The following F13A1 variants were observed in gnomAD, a reference collection of about 807,000 sequenced individuals.
The protein encoded by F13A1 is FSF, A subunit.
A neutral mutation model predicts 80.1 loss-of-function variants in F13A1; 47 were observed. The observed-to-expected ratio is 0.59, with a 90% CI of 0.46 to 0.75. The LOEUF (loss-of-function observed/expected upper bound fraction) is 0.75, where lower values mean the gene tolerates loss of function less well. F13A1 is among the 30% of genes least tolerant of loss of function. F13A1 has a pLI of 0.00. For missense variants in F13A1, 817 were observed against 930.4 expected (o/e 0.88, Z 1.59); for synonymous variants, 349 against 344.9 (o/e 1.01, Z -0.13).
chr6:6,290,976 C>G (rs1758217036), intron 3 of F13A1, among the ~76,000 whole-genome samples: 1 of 152,154 alleles, frequency 6.6e-6, no homozygotes, highest in Non-Finnish European at 1.5e-5. Flanking sequence ...AATCACACAT[C>G]AGCATGATGA....
chr6:6,297,514 G>T (rs1420456508), intron 3 of F13A1, among the ~76,000 whole-genome samples: 13 of 151,030 alleles, frequency 8.6e-5, no homozygotes, highest in African/African-American at 2.7e-4. Context: ...ATTTCTTCTA[G>T]ATTTTCTAGT....
chr6:6,270,944 C>T (rs1757911511), intron 3 of F13A1, among the ~76,000 whole-genome samples: 2 of 152,158 alleles, frequency 1.3e-5, no homozygotes, highest in Admixed American at 1.3e-4. Flanking sequence ...TGGGCCAACT[C>T]ATTTTTTTGT....
At chr6:6,233,381 C>T (rs1049432510) in intron 6 of F13A1, among the ~76,000 whole-genome samples, 19 of 152,120 alleles carry the variant, frequency 1.2e-4, no homozygotes, top group African/African-American at 4.6e-4. Flanking sequence ...AAATACAACC[C>T]TCCTAGCTTA....
intron 4 of F13A1, among the ~76,000 whole-genome samples, chr6:6,256,994 A>G (rs1351258165): frequency 6.6e-6 from 1 of 152,204 alleles, no homozygotes; most frequent in African/African-American, 2.4e-5. Context: ...CTTTAGAAGG[A>G]ATAATGGTTT....
Position 6,162,712 on chromosome 6 carries a change from C to A in F13A1, c.1908+4746G>T, listed in dbSNP as rs1271319488. ...ACTGTGACTCGGGCATCCAATGACTCATAAAAAACTCACAAGGACCCCAGG... is the reference window on the plus strand; with the variant it reads ...ACTGTGACTCGGGCATCCAATGACTAATAAAAAACTCACAAGGACCCCAGG... On this transcript the variant is annotated intron_variant, in intron 13 of 14. Transcript: ENST00000264870. The surrounding 1 kb of genome is among the most constrained non-coding windows in gnomAD (Gnocchi z 4.2). Among the ~76,000 whole-genome samples the A allele has an allele frequency of 6.6e-6, 1 of 152,160 alleles. No homozygotes were observed. The highest frequency in any genetic ancestry group is 2.4e-5 in the African/African-American group (1 of 41,436).
At chr6:6,304,078 T>A (rs1313421035) in intron 3 of F13A1, among the ~76,000 whole-genome samples, 1 of 152,234 alleles carries the variant, frequency 6.6e-6, no homozygotes, top group East Asian at 1.9e-4. Context: ...CTAAAACCTT[T>A]AAAGTACTTC....
intron 8 of F13A1, among the ~76,000 whole-genome samples, chr6:6,220,680 T>G (rs1264692123): frequency 6.6e-6 from 1 of 152,200 alleles, no homozygotes; most frequent in Non-Finnish European, 1.5e-5. Context: ...GTGACTATTT[T>G]GGTCTGTTTT....
At chr6:6,305,628 G>A (rs112831795) in intron 2 of F13A1, 89 bp from the exon 3 acceptor site, 3 of 1,387,840 alleles carry the variant, frequency 2.2e-6, no homozygotes, top group East Asian at 2.4e-5. Flanking sequence ...TTTCCCTGAA[G>A]AAGGCAGGTA....
At chr6:6,219,319 C>CCACGCT (rs1757154436) in intron 8 of F13A1, among the ~76,000 whole-genome samples, 1 of 151,624 alleles carries the variant, frequency 6.6e-6, no homozygotes, top group Admixed American at 6.6e-5. Flanking sequence ...TGTTTAGCCT[C>CCACGCT]CACCCTCACC....
chr6:6,272,791 T>G (rs1346859165), intron 3 of F13A1, among the ~76,000 whole-genome samples: 1 of 152,164 alleles, frequency 6.6e-6, no homozygotes, highest in African/African-American at 2.4e-5. Context: ...ATACCCATAA[T>G]GATATATACT....
At chr6:6,289,670 T>G (rs759972945) in intron 3 of F13A1, among the ~76,000 whole-genome samples, 1 of 151,864 alleles carries the variant, frequency 6.6e-6, no homozygotes, top group East Asian at 1.9e-4. Flanking sequence ...ATCTAAAAAG[T>G]AGAAAAAAAT....
intron 4 of F13A1, 139 bp downstream of exon 4, chr6:6,266,419 G>A: frequency 1.6e-6 from 2 of 1,284,034 alleles, no homozygotes; most frequent in Non-Finnish European, 1.1e-6. Flanking sequence ...TTATTTTTTA[G>A]AGACTAGGTC....
chr6:6,215,734 C>G lies in F13A1; in HGVS notation c.1112+6299G>C, dbSNP rs7775080. On this transcript the variant is annotated intron_variant, in intron 8 of 14. Transcript: ENST00000264870. ...GTATTCAATTAGGAAAAGAGGAAGT[C>G]AAATTGTCCCTGTTTGCAGACGACA... 2.3e-3 allele frequency among the ~76,000 whole-genome samples: 312 copies of G among 137,010 alleles called. 1 individual carries two copies. The highest frequency in any genetic ancestry group is 7.9e-3 in the African/African-American group (280 of 35,574). The allele number at this position is 137,010 out of a possible 152,430, so 89.9% of individuals were successfully genotyped here.
At chr6:6,215,604 C>T (rs1475399445) in intron 8 of F13A1, among the ~76,000 whole-genome samples, 1 of 149,726 alleles carries the variant, frequency 6.7e-6, no homozygotes, top group Non-Finnish European at 1.5e-5. Context: ...GGAAGCATTC[C>T]CTTTGAAAAC....
At chr6:6,304,493 T>C (rs1180853170) in intron 3 of F13A1, among the ~76,000 whole-genome samples, 1 of 152,128 alleles carries the variant, frequency 6.6e-6, no homozygotes, top group East Asian at 1.9e-4. Flanking sequence ...ATCAAATTAA[T>C]TTAAGAAGCA....
At chr6:6,239,939 T>A (rs1479439578) in intron 6 of F13A1, among the ~76,000 whole-genome samples, 1 of 152,096 alleles carries the variant, frequency 6.6e-6, no homozygotes. Context: ...GAACCCAAGG[T>A]GCATGAAGCT....
intron 8 of F13A1, among the ~76,000 whole-genome samples, chr6:6,199,788 A>G (rs1761359654): frequency 6.6e-6 from 1 of 152,220 alleles, no homozygotes; most frequent in African/African-American, 2.4e-5. Flanking sequence ...TGGAGAGGCA[A>G]GGCTGGAGAT....
At chr6:6,145,796 G>C in intron 14 of F13A1, 24 bp from the exon 15 acceptor site, 1 of 1,614,058 alleles carries the variant, frequency 6.2e-7, no homozygotes, top group Non-Finnish European at 8.5e-7. Flanking sequence ...AAAGAGAGGA[G>C]AGGTTGGAAG....
chr6:6,217,986 T>C (rs928986687), intron 8 of F13A1, among the ~76,000 whole-genome samples: 1 of 152,058 alleles, frequency 6.6e-6, no homozygotes, highest in Non-Finnish European at 1.5e-5. Context: ...CACTGTTACA[T>C]GCTGACAAAA....
Sources: allele counts gnomAD v4.1 joint callset (sites outside exome capture counted in the v4.1 genomes callset), GRCh38; gene constraint gnomAD v4.1.1; non-coding constraint Gnocchi (gnomAD v3.1); transcripts MANE v1.5; gene names NCBI Gene and HGNC (gene_info 2026-07-23, HGNC 2026-07-21).